Variants in GATAD2A observed in about 807,000 individuals in gnomAD.
GATAD2A encodes the protein GATA zinc finger domain containing 2A.
Under a neutral mutation model 68.5 loss-of-function variants are expected in GATAD2A, and 12 were observed. The observed-to-expected ratio is 0.18, with a 90% CI of 0.11 to 0.28. The LOEUF (loss-of-function observed/expected upper bound fraction) is 0.28, where lower values mean the gene tolerates loss of function less well. Among genes scored for constraint, GATAD2A ranks in the 10% least tolerant of loss-of-function variants. The pLI is 1.00. For synonymous variants in GATAD2A, 410 were observed against 375.3 expected (o/e 1.09, Z -1.07); for missense variants, 755 against 868.5 (o/e 0.87, Z 1.64).
At chr19:19,399,879 C>A (rs949864057) in intron 1 of GATAD2A, among the ~76,000 whole-genome samples, 10 of 152,178 alleles carry the variant, frequency 6.6e-5, no homozygotes, top group Non-Finnish European at 1.3e-4. Context: ...TTTAAAAATA[C>A]GTTTTTCTGC....
chr19:19,492,181 G>C (rs2059839477), intron 2 of GATAD2A, 125 bp from the exon 3 acceptor site: 1 of 984,732 alleles, frequency 1.0e-6, no homozygotes, highest in Non-Finnish European at 1.5e-6. Flanking sequence ...GGCAGGGGAT[G>C]TGGAGGATGC....
intron 8 of GATAD2A, among the ~76,000 whole-genome samples, chr19:19,500,005 C>T (rs559363690): frequency 3.3e-5 from 5 of 152,326 alleles, no homozygotes; most frequent in African/African-American, 1.2e-4. Flanking sequence ...GGATTGGGGG[C>T]CGAGTTGGGA....
chr19:19,446,426 G>C (rs1006535827), intron 1 of GATAD2A, among the ~76,000 whole-genome samples: 32 of 150,472 alleles, frequency 2.1e-4, no homozygotes, highest in Admixed American at 1.9e-3. Flanking sequence ...ATATGTTCTG[G>C]ACACTAGACC....
upstream of GATAD2A, chr19:19,402,690 T>G (rs538899398): frequency 3.0e-5 from 4 of 133,238 alleles, no homozygotes; most frequent in Non-Finnish European, 6.5e-5. Context: ...TCTGTCTCAT[T>G]AAAAAAAAAA....
intron 1 of GATAD2A, among the ~76,000 whole-genome samples, chr19:19,422,418 T>A (rs959279310): frequency 6.6e-6 from 1 of 152,114 alleles, no homozygotes; most frequent in Admixed American, 6.5e-5. Flanking sequence ...CAAGCAGAAC[T>A]CCTCCTAGCT....
intron 2 of GATAD2A, among the ~76,000 whole-genome samples, chr19:19,478,476 C>T (rs1015308882): frequency 1.3e-5 from 2 of 152,168 alleles, no homozygotes; most frequent in Admixed American, 1.3e-4. Context: ...CTTCTGTAAG[C>T]CCAGCTACTT....
chr19:19,426,005 C>G (rs967462388), intron 1 of GATAD2A, among the ~76,000 whole-genome samples: 2 of 152,048 alleles, frequency 1.3e-5, no homozygotes, highest in African/African-American at 4.8e-5. Context: ...CCAGGCTGGT[C>G]TCGAACTTGT....
chr19:19,496,941 G>T (rs1315461798), intron 7 of GATAD2A, among the ~76,000 whole-genome samples: 1 of 152,232 alleles, frequency 6.6e-6, no homozygotes, highest in African/African-American at 2.4e-5. Context: ...TCTGGGCAGT[G>T]TCCCTGCCTG....
At chr19:19,435,148 T>G (rs1003404321) in intron 1 of GATAD2A, 3 of 531,528 alleles carry the variant, frequency 5.6e-6, no homozygotes, top group Non-Finnish European at 1.2e-5. Flanking sequence ...GCCTCTACGG[T>G]TGCCTTGGGG....
intron 2 of GATAD2A, among the ~76,000 whole-genome samples, chr19:19,484,342 G>C (rs1946175257): frequency 6.6e-6 from 1 of 151,954 alleles, no homozygotes; most frequent in Non-Finnish European, 1.5e-5. Context: ...AGGCTAAGAT[G>C]GGAGGATCAC....
rs1029291414 is a variant in GATAD2A, at chr19:19,507,568, C to G, written c.*2094C>G. ...GGGGCCAGATCCGAGCCGCACCTGCCGGCCCCCAGCCCCAGCTCCAGCTCC... is the reference window on the plus strand; with the variant it reads ...GGGGCCAGATCCGAGCCGCACCTGCGGGCCCCCAGCCCCAGCTCCAGCTCC... On this transcript the variant is annotated 3_prime_UTR_variant, in exon 12 of 12. Coordinates refer to ENST00000683918, the MANE Select transcript of GATAD2A (RefSeq NM_001384528.1). 1 of 152,616 alleles carries G rather than the reference C, an allele frequency of 6.6e-6. No homozygotes were observed. Among genetic ancestry groups the G allele is most frequent in the African/African-American group, 2.4e-5 (1 of 41,442 alleles). The allele number at this position is 152,616 out of a possible 1,614,324, so 9.5% of individuals were successfully genotyped here. A position where few individuals can be genotyped will look rare whatever the true frequency, so the allele number is the denominator to read the frequency against.
chr19:19,452,167 C>A (rs750883995), intron 1 of GATAD2A, among the ~76,000 whole-genome samples: 2 of 152,190 alleles, frequency 1.3e-5, no homozygotes, highest in East Asian at 3.9e-4. Flanking sequence ...TGTCTGCTGT[C>A]CCACTGTTTC....
At chr19:19,425,886 C>T (rs1490805513) in intron 1 of GATAD2A, among the ~76,000 whole-genome samples, 1 of 151,862 alleles carries the variant, frequency 6.6e-6, no homozygotes, top group African/African-American at 2.4e-5. Context: ...ACCTCCTGGG[C>T]TTAAGGCATC....
At position 19,477,558 on chromosome 19, in the gene GATAD2A, C is replaced by A. The variant is rs529802300; in HGVS notation, c.269+11944C>A. Among the ~76,000 whole-genome samples, 8 of 152,096 alleles carry A rather than the reference C, an allele frequency of 5.3e-5. No homozygotes were observed. The East Asian group carries it at 1.2e-3, about 22-fold the overall frequency. On this transcript the variant is annotated intron_variant, in intron 2 of 11. Transcript: ENST00000683918. Reference sequence around the variant, plus strand: ...CTGCAGCCCAGAAATCATGGTGCACCGGGTGCAGGGGTCAGAGTCTGAAGG... The same window carrying A: ...CTGCAGCCCAGAAATCATGGTGCACAGGGTGCAGGGGTCAGAGTCTGAAGG...
chr19:19,400,457 A>T (rs1048819265), intron 1 of GATAD2A, among the ~76,000 whole-genome samples: 1 of 152,100 alleles, frequency 6.6e-6, no homozygotes, highest in African/African-American at 2.4e-5. Context: ...GGTGATGGGG[A>T]CAACGGGGGC....
intron 1 of GATAD2A, among the ~76,000 whole-genome samples, chr19:19,419,162 T>C (rs879317003): frequency 4.6e-5 from 7 of 152,098 alleles, no homozygotes; most frequent in African/African-American, 7.2e-5. Flanking sequence ...GAGGAAGGGA[T>C]GTCTGCACAC....
intron 2 of GATAD2A, 54 bp from the exon 3 acceptor site, chr19:19,492,252 G>T (rs554081437): frequency 1.3e-6 from 2 of 1,550,128 alleles, no homozygotes; most frequent in East Asian, 4.8e-5. Context: ...ACAGGGGTGG[G>T]CACTGGGTCC....
intron 1 of GATAD2A, among the ~76,000 whole-genome samples, chr19:19,445,609 CTT>C (rs1257413655): frequency 6.6e-6 from 1 of 152,226 alleles, no homozygotes; most frequent in East Asian, 1.9e-4. Flanking sequence ...CCAGCAGCCA[CTT>C]ATTCTACTTT....
At chr19:19,503,333 G>A (rs1157157963) in intron 11 of GATAD2A, among the ~76,000 whole-genome samples, 1 of 152,162 alleles carries the variant, frequency 6.6e-6, no homozygotes, top group Non-Finnish European at 1.5e-5. Context: ...CAGGCAGAGT[G>A]GTGGGGGGAG....
Sources: gnomAD v4.1 joint callset for allele counts (sites outside exome capture counted in the v4.1 genomes callset) on GRCh38, gnomAD v4.1.1 for gene constraint, MANE v1.5 for transcripts, NCBI Gene and HGNC (gene_info 2026-07-23, HGNC 2026-07-21) for gene names.